ZNF33B: variants seen among roughly 807,000 people sequenced by gnomAD.
ZNF33B encodes the protein zinc finger protein 33B.
ZNF33B carries 29 observed loss-of-function variants against 45.8 expected under a neutral mutation model. That is an observed-to-expected ratio of 0.63 (90% CI 0.47 to 0.86). The LOEUF (loss-of-function observed/expected upper bound fraction) is 0.86, where lower values mean the gene tolerates loss of function less well. ZNF33B is among the 40% of genes least tolerant of loss of function. ZNF33B has a pLI of 0.00. For missense variants in ZNF33B, 831 were observed against 909.9 expected (o/e 0.91, Z 1.12); for synonymous variants, 305 against 307.8 (o/e 0.99, Z 0.10).
intron 1 of ZNF33B, among the ~76,000 whole-genome samples, chr10:42,581,043 A>G (rs1226066320): frequency 3.3e-5 from 5 of 152,174 alleles, no homozygotes; most frequent in Admixed American, 3.3e-4. Flanking sequence ...AGAAAAGCCT[A>G]CGGTCAGGGT....
chr10:42,610,556 G>A (rs1323156185), intron 4 of ZNF33B, among the ~76,000 whole-genome samples: 2 of 152,056 alleles, frequency 1.3e-5, no homozygotes, highest in Non-Finnish European at 2.9e-5. Flanking sequence ...AAATAAATAA[G>A]TAAATTCCAT....
At chr10:42,616,719 T>C (rs1181578050) in intron 4 of ZNF33B, among the ~76,000 whole-genome samples, 4 of 152,152 alleles carry the variant, frequency 2.6e-5, no homozygotes, top group Admixed American at 1.3e-4. Context: ...TTTTTTGAGA[T>C]GGAGTCTCGC....
In ZNF33B at chr10:42,591,941, CACAT is replaced by C. The variant is rs1837143370; in HGVS notation, c.*668_*671del. 1 of 152,300 alleles carries C rather than the reference CACAT, an allele frequency of 6.6e-6. No homozygotes were observed. The highest frequency in any genetic ancestry group is 1.5e-5 in the Non-Finnish European group (1 of 68,092). The allele number at this position is 152,300 out of a possible 1,614,324, so 9.4% of individuals were successfully genotyped here. A position where few individuals can be genotyped will look rare whatever the true frequency, so the allele number is the denominator to read the frequency against. ...CCAGTTTGTTATAACCACACACACA[CACAT>C]ACACGTACACACACAGAGTGCACGC... On this transcript the variant is annotated 3_prime_UTR_variant, in exon 5 of 5. Coordinates refer to ENST00000359467, the MANE Select transcript of ZNF33B (RefSeq NM_006955.3).
chr10:42,622,333 G>T (rs1258381013), intron 4 of ZNF33B, among the ~76,000 whole-genome samples: 1 of 152,116 alleles, frequency 6.6e-6, no homozygotes, highest in Non-Finnish European at 1.5e-5. Context: ...ATAAAAAGCT[G>T]ATCCTTAAAG....
intron 1 of ZNF33B, among the ~76,000 whole-genome samples, chr10:42,579,133 C>A (rs936270725): frequency 6.6e-6 from 1 of 152,132 alleles, no homozygotes; most frequent in African/African-American, 2.4e-5. Context: ...CACCCTCCTA[C>A]CACATCATGG....
chr10:42,576,281 G>A (rs1295357800), intron 1 of ZNF33B, among the ~76,000 whole-genome samples: 3 of 152,110 alleles, frequency 2.0e-5, no homozygotes, highest in African/African-American at 2.4e-5. Context: ...GAGCCACTGC[G>A]CCCGGCCACA....
rs1837259967 is a variant in ZNF33B at position 42,593,741 on chromosome 10, G to A, written c.1209C>T (p.His403=). ...AFSHKSALTL[H]QRTHTGEKPY... Reference sequence around the variant, plus strand: ...GTTTCTCCCCTGTATGTGTTCTCTGGTGTAATGTGAGGGCTGACTTATGGC... The same window carrying A: ...GTTTCTCCCCTGTATGTGTTCTCTGATGTAATGTGAGGGCTGACTTATGGC... Residue 403 remains histidine (H), a synonymous_variant, in exon 5 of 5, where the codon CAC becomes CAT. Coordinates refer to ENST00000359467, the MANE Select transcript of ZNF33B (RefSeq NM_006955.3). 1 of 1,612,792 alleles carries A rather than the reference G, an allele frequency of 6.2e-7. No homozygotes were observed. The highest frequency in any genetic ancestry group is 1.7e-5 in the Admixed American group (1 of 59,880).
rs1589022129 is a variant in ZNF33B, at chr10:42,592,970, T to C, written c.1980A>G (p.Thr660=). 1 of 1,613,926 alleles carries C rather than the reference T, an allele frequency of 6.2e-7. No individual in the cohort carries two copies. The highest frequency in any genetic ancestry group is 2.2e-5 in the East Asian group (1 of 44,844). Residue 660 remains threonine (T), a synonymous_variant, in exon 5 of 5, where the codon ACA becomes ACG. Transcript: ENST00000359467. ...SALIVHQRTH[T]QEKPYKCNEC... Reference sequence around the variant, plus strand: ...CGTTACATTTATAAGGCTTTTCTTGTGTATGGGTTCTCTGATGTACAATTA... The same window carrying C: ...CGTTACATTTATAAGGCTTTTCTTGCGTATGGGTTCTCTGATGTACAATTA...
At chr10:42,632,162 G>A in intron 3 of ZNF33B, 133 bp downstream of exon 3, 9 of 1,476,764 alleles carry the variant, frequency 6.1e-6, no homozygotes, top group Non-Finnish European at 7.4e-6. Flanking sequence ...GTATCTTCTG[G>A]TGCTCAATCA....
chr10:42,583,464 C>T, intron 1 of ZNF33B: 1 of 265,130 alleles, frequency 3.8e-6, no homozygotes, highest in South Asian at 4.4e-5. Context: ...TAAATGGGAG[C>T]TGGTATCTTC....
intron 4 of ZNF33B, among the ~76,000 whole-genome samples, chr10:42,609,616 G>GA (rs1318074624): frequency 4.6e-5 from 7 of 151,906 alleles, no homozygotes; most frequent in Admixed American, 4.6e-4. Context: ...AATCAGACAT[G>GA]AAAAAACTAC....
chr10:42,626,560 C>T (rs562623822), intron 4 of ZNF33B, among the ~76,000 whole-genome samples: 3 of 152,090 alleles, frequency 2.0e-5, no homozygotes, highest in Middle Eastern at 3.4e-3. Flanking sequence ...TGGTCGCATG[C>T]GCCTGTAGTC....
chr10:42,592,810 C>G lies in ZNF33B; in HGVS notation c.2140G>C (p.Ala714Pro), dbSNP rs751358478. Residue 714 changes from alanine to proline, a missense_variant, in exon 5 of 5, where the codon GCT (alanine) becomes CCT (proline). Coordinates refer to ENST00000359467, the MANE Select transcript of ZNF33B (RefSeq NM_006955.3). ...HKSSLTVHHR[A>P]HTGEKSCQCN... ...TGACAAGATTTCTCTCCTGTGTGAG[C>G]CCTGTGATGTACTGTGAGTGATGAT... The G allele has an allele frequency of 1.2e-6, 2 of 1,613,972 alleles. No individual in the cohort carries two copies. The highest frequency in any genetic ancestry group is 3.3e-5 in the Admixed American group (2 of 60,002).
intron 1 of ZNF33B, among the ~76,000 whole-genome samples, chr10:42,638,104 C>T (rs374224857): frequency 1.3e-5 from 2 of 152,252 alleles, no homozygotes; most frequent in African/African-American, 2.4e-5. Context: ...GTCCGTATGT[C>T]GGGCGGGCGA....
intron 4 of ZNF33B, 33 bp downstream of exon 4, chr10:42,631,896 T>C (rs1839073807): frequency 6.4e-7 from 1 of 1,556,486 alleles, no homozygotes; most frequent in African/African-American, 1.4e-5. Context: ...ACAAATCCCC[T>C]GATGTGAATC....
intron 4 of ZNF33B, among the ~76,000 whole-genome samples, chr10:42,623,078 C>A (rs533870192): frequency 6.6e-6 from 1 of 152,184 alleles, no homozygotes; most frequent in East Asian, 1.9e-4. Flanking sequence ...ACAAGCCTGG[C>A]CAACATGGTG....
intron 1 of ZNF33B, chr10:42,581,973 G>A (rs1048992715): frequency 6.6e-6 from 1 of 152,188 alleles, no homozygotes; most frequent in African/African-American, 2.4e-5. Flanking sequence ...AAATTAGCCA[G>A]GGCATGATGG....
chr10:42,595,260 A>G (rs1837350660), intron 4 of ZNF33B, among the ~76,000 whole-genome samples: 1 of 152,166 alleles, frequency 6.6e-6, no homozygotes, highest in African/African-American at 2.4e-5. Context: ...CTACTCCCAG[A>G]AAGGGAAAGT....
downstream of ZNF33B, among the ~76,000 whole-genome samples, chr10:42,586,094 A>C (rs1211284604): frequency 6.6e-6 from 1 of 151,342 alleles, no homozygotes; most frequent in Admixed American, 6.6e-5. Context: ...TAGGGTGTGC[A>C]TACTCCAAAC....
Sources: gnomAD v4.1 joint callset for allele counts (sites outside exome capture counted in the v4.1 genomes callset) on GRCh38, gnomAD v4.1.1 for gene constraint, MANE v1.5 for transcripts, NCBI Gene and HGNC (gene_info 2026-07-23, HGNC 2026-07-21) for gene names.